BNC2: variants seen among roughly 807,000 people sequenced by gnomAD.
The protein encoded by BNC2 is basonuclin zinc finger protein 2, also known as zinc finger protein basonuclin-2.
In BNC2, 20 loss-of-function variants were observed where a neutral mutation model predicts 76.3. That is an observed-to-expected ratio of 0.26 (90% confidence interval 0.18 to 0.38). The LOEUF is 0.38. Among genes scored for constraint, BNC2 ranks in the 10% least tolerant of loss-of-function variants. The pLI, the probability that BNC2 is intolerant of heterozygous loss-of-function variation, is 1.00. For synonymous variants in BNC2, 582 were observed against 514.8 expected (o/e 1.13, Z -1.77); for missense variants, 1,382 against 1,399.8 (o/e 0.99, Z 0.20).
intron 5 of BNC2, among the ~76,000 whole-genome samples, chr9:16,455,928 A>G (rs1821438459): frequency 6.6e-6 from 1 of 152,234 alleles, no homozygotes; most frequent in Non-Finnish European, 1.5e-5. Context: ...TCCATGGAAT[A>G]AAAAAGCTTG....
intron 3 of BNC2, among the ~76,000 whole-genome samples, chr9:16,641,002 G>A (rs1028744275): frequency 6.6e-5 from 10 of 152,180 alleles, no homozygotes. Flanking sequence ...AGATGTGCCA[G>A]GATGTGAATA....
chr9:16,866,107 T>C (rs1037722152), intron 1 of BNC2, among the ~76,000 whole-genome samples: 10 of 152,164 alleles, frequency 6.6e-5, no homozygotes, highest in African/African-American at 2.4e-4. Flanking sequence ...AAAACTAGTA[T>C]ATAAATATTA....
chr9:16,497,455 T>C (rs1381472840), intron 5 of BNC2, among the ~76,000 whole-genome samples: 1 of 152,142 alleles, frequency 6.6e-6, no homozygotes, highest in Non-Finnish European at 1.5e-5. Flanking sequence ...ATTCTCTAAT[T>C]CATGAATTCA....
At chr9:16,502,953 T>C (rs1563813414) in intron 5 of BNC2, among the ~76,000 whole-genome samples, 1 of 152,098 alleles carries the variant, frequency 6.6e-6, no homozygotes, top group Non-Finnish European at 1.5e-5. Context: ...TAATCTACCC[T>C]AGATTTATGG....
At chr9:16,778,137 A>G (rs2135520190) in intron 1 of BNC2, among the ~76,000 whole-genome samples, 1 of 152,322 alleles carries the variant, frequency 6.6e-6, no homozygotes, top group South Asian at 2.1e-4. Flanking sequence ...TTCCTATTTT[A>G]TAAATGAAAA....
chr9:16,409,610 C>A lies in BNC2; in HGVS notation c.*9379G>T, dbSNP rs1000125197. On this transcript the variant is annotated 3_prime_UTR_variant, in exon 7 of 7. Coordinates refer to ENST00000380672, the MANE Select transcript of BNC2 (RefSeq NM_017637.6). ...TAAAATTCCATTTACATCCCCAAACCCTTATGCATTTTATGCAAAAGACAT... is the reference window on the plus strand; with the variant it reads ...TAAAATTCCATTTACATCCCCAAACACTTATGCATTTTATGCAAAAGACAT... 2.0e-5 allele frequency: 3 copies of A among 152,532 alleles called. No individual in the cohort carries two copies. The highest frequency in any genetic ancestry group is 7.2e-5 in the African/African-American group (3 of 41,412). The allele number at this position is 152,532 out of a possible 1,614,324, so 9.4% of individuals were successfully genotyped here.
intron 1 of BNC2, among the ~76,000 whole-genome samples, chr9:16,820,636 TTA>T (rs997464571): frequency 6.6e-6 from 1 of 152,150 alleles, no homozygotes; most frequent in Non-Finnish European, 1.5e-5. Context: ...ATGTCATATT[TTA>T]TTCCATACTG....
intron 1 of BNC2, among the ~76,000 whole-genome samples, chr9:16,842,663 T>G (rs557369942): frequency 6.6e-6 from 1 of 152,314 alleles, no homozygotes; most frequent in Admixed American, 6.5e-5. Flanking sequence ...ATGGCAAACA[T>G]TAACATTTGG....
rs1820545909 is a variant in BNC2, at chr9:16,414,639, T to C, written c.*4350A>G. The C allele has an allele frequency of 1.3e-5, 2 of 152,230 alleles. No individual in the cohort carries two copies. Among genetic ancestry groups the C allele is most frequent in the Non-Finnish European group, 2.9e-5 (2 of 68,046 alleles). 9.4% of individuals were successfully genotyped at this position (152,230 alleles called of 1,614,324 possible). A position where few individuals can be genotyped will look rare whatever the true frequency, so the allele number is the denominator to read the frequency against. ...TGTCTTATGACAGGTGAATTTTATT[T>C]ACTCTGTTAGTCAATCTAACCCAAT... is the stretch of plus-strand genomic sequence containing the variant. On this transcript the variant is annotated 3_prime_UTR_variant, in exon 7 of 7. Coordinates refer to ENST00000380672, the MANE Select transcript of BNC2 (RefSeq NM_017637.6).
chr9:16,777,878 A>G lies in BNC2; in HGVS notation c.4-39393T>C, dbSNP rs965674435. 2.6e-5 allele frequency among the ~76,000 whole-genome samples: 4 copies of G among 152,148 alleles called. No individual in the cohort carries two copies. In the East Asian group the frequency reaches 7.7e-4, roughly 29 times the overall value. ...CTCCCATACAATGGAATTCTCTGAG[A>G]CCGGAAAAAAATTATATACATTCCA... On this transcript the variant is annotated intron_variant, in intron 1 of 6. Transcript: ENST00000380672.
At chr9:16,691,526 T>G (rs1403940348) in intron 3 of BNC2, among the ~76,000 whole-genome samples, 5 of 86,198 alleles carry the variant, frequency 5.8e-5, no homozygotes, top group Non-Finnish European at 1.2e-4. Context: ...TTTTTTTTTT[T>G]TGAAACAGAG....
At chr9:16,743,795 T>A (rs1014174589) in intron 1 of BNC2, among the ~76,000 whole-genome samples, 9 of 152,148 alleles carry the variant, frequency 5.9e-5, no homozygotes, top group African/African-American at 2.2e-4. Context: ...TTCTCCCCCA[T>A]TCCATACCAA....
chr9:16,422,432 G>A (rs1820728532), intron 6 of BNC2, among the ~76,000 whole-genome samples: 1 of 152,150 alleles, frequency 6.6e-6, no homozygotes, highest in African/African-American at 2.4e-5. Flanking sequence ...TGAACTCATG[G>A]CAGTGCATTA....
At chr9:16,694,244 T>C (rs764688851) in intron 3 of BNC2, among the ~76,000 whole-genome samples, 2 of 152,086 alleles carry the variant, frequency 1.3e-5, no homozygotes. Context: ...TGAATTTGAA[T>C]GAAATAGGAT....
In BNC2 at chr9:16,435,764, C is replaced by T. The variant is rs144355383; in HGVS notation, c.2430G>A (p.Ser810=). 50 of 1,613,966 alleles carry T rather than the reference C, an allele frequency of 3.1e-5. No individual in the cohort carries two copies. The Admixed American group carries it at 3.8e-4, about 12-fold the overall frequency. Residue 810 remains serine (S), a synonymous_variant, in exon 6 of 7, where the codon TCG becomes TCA. Transcript: ENST00000380672. ...SMAALHESFT[S]SLNYGSPQKF... Reference sequence around the variant, plus strand: ...TTTGAGGGCTGCCATAATTCAGAGACGATGTAAAGCTCTCATGCAAGGCGG... The same window carrying T: ...TTTGAGGGCTGCCATAATTCAGAGATGATGTAAAGCTCTCATGCAAGGCGG...
intron 5 of BNC2, among the ~76,000 whole-genome samples, chr9:16,532,943 T>A (rs1196558585): frequency 6.6e-6 from 1 of 152,218 alleles, no homozygotes; most frequent in Non-Finnish European, 1.5e-5. Context: ...GGTTGCTTGG[T>A]TTGTTTTCAT....
rs142094967 is a variant in BNC2 at position 16,622,468 on chromosome 9, G to A, written c.331-39383C>T. Among the ~76,000 whole-genome samples, 24 of 152,216 alleles carry A rather than the reference G, an allele frequency of 1.6e-4. No individual in the cohort carries two copies. The East Asian group carries it at 1.9e-3, about 12-fold the overall frequency. ...ATGTGGATTAACAAAGCAATGAATC[G>A]AGTTGCTTGTTTTGTGAATTCAAGC... On this transcript the variant is annotated intron_variant, in intron 3 of 6. Transcript: ENST00000380672.
In BNC2 at chr9:16,662,453, G is replaced by A. The variant is rs187331650; in HGVS notation, c.330+65344C>T. Reference sequence around the variant, plus strand: ...TAACTCATCACAAGAGAAAATACCCGGGCTGAGCGTAGTGGCTCATGTCTG... The same window carrying A: ...TAACTCATCACAAGAGAAAATACCCAGGCTGAGCGTAGTGGCTCATGTCTG... On this transcript the variant is annotated intron_variant, in intron 3 of 6. Coordinates refer to ENST00000380672, the MANE Select transcript of BNC2 (RefSeq NM_017637.6). Among the ~76,000 whole-genome samples, 699 of 152,264 alleles carry A rather than the reference G, an allele frequency of 4.6e-3. 2 individuals carry two copies. Among genetic ancestry groups the A allele is most frequent in the African/African-American group, 0.015 (612 of 41,552 alleles).
rs1162041285 is a variant in BNC2 at position 16,658,150 on chromosome 9, T to C, written c.330+69647A>G. 3.9e-5 allele frequency among the ~76,000 whole-genome samples: 6 copies of C among 152,162 alleles called. No individual in the cohort carries two copies. The East Asian group carries it at 1.2e-3, about 29-fold the overall frequency. On this transcript the variant is annotated intron_variant, in intron 3 of 6. Coordinates refer to ENST00000380672, the MANE Select transcript of BNC2 (RefSeq NM_017637.6). ...ACATTGCAATAAAACTGTGCAGCAA[T>C]TTAGAAATTCTCCAAATCAGTAATA...
Sources: gnomAD v4.1 joint callset for allele counts (sites outside exome capture counted in the v4.1 genomes callset) on GRCh38, gnomAD v4.1.1 for gene constraint, MANE v1.5 for transcripts, NCBI Gene and HGNC (gene_info 2026-07-23, HGNC 2026-07-21) for gene names.